BTNL8: variants seen among roughly 807,000 people sequenced by gnomAD.
The protein encoded by BTNL8 is butyrophilin-like protein 8.
A neutral mutation model predicts 36.1 loss-of-function variants in BTNL8; 22 were observed. The observed-to-expected ratio is 0.61, with a 90% CI of 0.44 to 0.87. The LOEUF (loss-of-function observed/expected upper bound fraction) is 0.87, where lower values mean the gene tolerates loss of function less well. BTNL8 is among the 40% of genes least tolerant of loss of function. The pLI is 0.00. For missense variants in BTNL8, 526 were observed against 616.9 expected, an observed-to-expected ratio of 0.85 and a Z score of 1.56; for synonymous variants, 203 against 235.6, an observed-to-expected ratio of 0.86 and a Z score of 1.27.
At chr5:180,907,958 A>C (rs1048742643) in intron 1 of BTNL8, among the ~76,000 whole-genome samples, 2 of 152,146 alleles carry the variant, frequency 1.3e-5, no homozygotes, top group Non-Finnish European at 2.9e-5. Flanking sequence ...TGCAGAGGTT[A>C]CTGCTGTCTT....
chr5:180,904,811 T>C (rs865867173), intron 1 of BTNL8, among the ~76,000 whole-genome samples: 2 of 152,006 alleles, frequency 1.3e-5, no homozygotes, highest in African/African-American at 4.8e-5. Context: ...TGGCTCCGTT[T>C]ATATGCTGGA....
chr5:180,939,616 C>G (rs1005075967), intron 3 of BTNL8, among the ~76,000 whole-genome samples: 1 of 152,144 alleles, frequency 6.6e-6, no homozygotes, highest in Admixed American at 6.5e-5. Flanking sequence ...AATGTAATGT[C>G]TAGCTGAACT....
At chr5:180,932,088 T>C (rs1758414902) in intron 3 of BTNL8, among the ~76,000 whole-genome samples, 1 of 152,000 alleles carries the variant, frequency 6.6e-6, no homozygotes, top group Admixed American at 6.5e-5. Context: ...GCTGGTTAAA[T>C]AAAATGTGAC....
At chr5:180,924,460 C>T (rs1758007803) in intron 3 of BTNL8, among the ~76,000 whole-genome samples, 1 of 152,184 alleles carries the variant, frequency 6.6e-6, no homozygotes, top group African/African-American at 2.4e-5. Flanking sequence ...GCAAGAAAGA[C>T]AACCTCTAAC....
chr5:180,937,031 T>C (rs1025173335), intron 3 of BTNL8, among the ~76,000 whole-genome samples: 1 of 152,158 alleles, frequency 6.6e-6, no homozygotes, highest in Admixed American at 6.6e-5. Flanking sequence ...CATGACTTCA[T>C]ATCCTTGATT....
intron 3 of BTNL8, among the ~76,000 whole-genome samples, chr5:180,915,358 G>C (rs1284362050): frequency 1.3e-5 from 2 of 152,242 alleles, no homozygotes; most frequent in African/African-American, 4.8e-5. Flanking sequence ...ATAGCAATCA[G>C]CTTGACTCTG....
rs144913345 is a variant in BTNL8 at position 180,928,741 on chromosome 5, A to T, written c.673+17127A>T. On this transcript the variant is annotated intron_variant, in intron 3 of 7. Coordinates refer to ENST00000340184, the MANE Select transcript of BTNL8 (RefSeq NM_001040462.3). Reference sequence around the variant, plus strand: ...AAGGGCATTACATAATGATAAAGTGATCAATGCAACAAGAAGAGCTAACTA... The same window carrying T: ...AAGGGCATTACATAATGATAAAGTGTTCAATGCAACAAGAAGAGCTAACTA... Among the ~76,000 whole-genome samples, 440 of 152,340 alleles carry T rather than the reference A, an allele frequency of 2.9e-3. 9 individuals are homozygous for T. The highest frequency in any genetic ancestry group is 0.012 in the East Asian group (62 of 5,188).
At chr5:180,945,840 G>A (rs1759208771) in intron 3 of BTNL8, 1 of 492,946 alleles carries the variant, frequency 2.0e-6, no homozygotes, top group African/African-American at 1.9e-5. Context: ...CGGAAATATG[G>A]CCTCAATATG....
In BTNL8 at chr5:180,908,781, A is replaced by AG; in HGVS notation, c.245_246insG (p.Gly83ArgfsTer35). On this transcript the variant is annotated frameshift_variant, in exon 2 of 8. Transcript: ENST00000340184. LOFTEE classifies it high-confidence loss of function. The stretch of plus-strand genomic sequence containing the variant: ...CCATTTATGCAGATGCCACAGTATC[A>AG]AGGCAGGACAAAACTGGTGAAGGAT... 2 of 1,614,226 alleles carry AG rather than the reference A, an allele frequency of 1.2e-6. No homozygotes were observed. Among genetic ancestry groups the AG allele is most frequent in the Non-Finnish European group, 1.7e-6 (2 of 1,180,038 alleles).
At chr5:180,937,845 A>C (rs1454260771) in intron 3 of BTNL8, among the ~76,000 whole-genome samples, 1 of 152,192 alleles carries the variant, frequency 6.6e-6, no homozygotes, top group Non-Finnish European at 1.5e-5. Flanking sequence ...AAGAACACTT[A>C]GTGAGACACA....
At chr5:180,900,826 T>C (rs1479882344) in intron 1 of BTNL8, among the ~76,000 whole-genome samples, 1 of 152,208 alleles carries the variant, frequency 6.6e-6, no homozygotes, top group South Asian at 2.1e-4. Flanking sequence ...GGAGGAACTT[T>C]ATAGATGGTG....
In BTNL8 at chr5:180,917,044, T is replaced by C. The variant is rs112545842; in HGVS notation, c.673+5430T>C. ...TAGACTACGGCACTATGAAAAATCATAGGTCAACAAACTGGATAACCTAGC... is the reference window on the plus strand; with the variant it reads ...TAGACTACGGCACTATGAAAAATCACAGGTCAACAAACTGGATAACCTAGC... On this transcript the variant is annotated intron_variant, in intron 3 of 7. Coordinates refer to ENST00000340184, the MANE Select transcript of BTNL8 (RefSeq NM_001040462.3). 3.7e-3 allele frequency among the ~76,000 whole-genome samples: 520 copies of C among 139,648 alleles called. 4 individuals carry two copies. The highest frequency in any genetic ancestry group is 6.4e-3 in the Non-Finnish European group (428 of 66,580). 91.6% of individuals were successfully genotyped at this position (139,648 alleles called of 152,430 possible). A position where few individuals can be genotyped will look rare whatever the true frequency, so the allele number is the denominator to read the frequency against.
intron 3 of BTNL8, among the ~76,000 whole-genome samples, chr5:180,931,901 G>T (rs574684882): frequency 1.3e-5 from 2 of 152,246 alleles, no homozygotes; most frequent in Admixed American, 1.3e-4. Flanking sequence ...ACAGTGTGGC[G>T]ATTCCTCAAG....
chr5:180,914,512 A>G (rs1177726498), intron 3 of BTNL8, among the ~76,000 whole-genome samples: 3 of 152,272 alleles, frequency 2.0e-5, no homozygotes, highest in Non-Finnish European at 2.9e-5. Context: ...ATTAAATTCA[A>G]TGAGAAAAAG....
chr5:180,913,081 G>A (rs749822778), intron 3 of BTNL8, among the ~76,000 whole-genome samples: 4 of 152,164 alleles, frequency 2.6e-5, no homozygotes, highest in Non-Finnish European at 5.9e-5. Flanking sequence ...ATCCAAACCT[G>A]TTCCTCAGGG....
intron 1 of BTNL8, among the ~76,000 whole-genome samples, chr5:180,907,416 A>G (rs1439678960): frequency 7.3e-6 from 1 of 137,450 alleles, no homozygotes; most frequent in Admixed American, 7.0e-5. Context: ...TTCTAGTTAT[A>G]CATTCTTCTA....
chr5:180,922,072 G>T (rs1757891423), intron 3 of BTNL8, among the ~76,000 whole-genome samples: 1 of 116,974 alleles, frequency 8.5e-6, no homozygotes, highest in African/African-American at 4.1e-5. Context: ...TGTTTATTTG[G>T]ATATTTTTTT....
chr5:180,950,833 G>A lies in BTNL8; in HGVS notation c.*289G>A. The A allele has an allele frequency of 2.4e-6, 1 of 415,174 alleles. No homozygotes were observed. Among genetic ancestry groups the A allele is most frequent in the Non-Finnish European group, 4.6e-6 (1 of 218,540 alleles). 25.7% of individuals were successfully genotyped at this position (415,174 alleles called of 1,614,324 possible). ...GGTGTAGATTAAGTAGACAAGGAAT[G>A]TGAATAATGCTTAGATCTTATTGAT... On this transcript the variant is annotated 3_prime_UTR_variant, in exon 8 of 8. Transcript: ENST00000340184.
chr5:180,920,713 A>G (rs1450303449), intron 3 of BTNL8, among the ~76,000 whole-genome samples: 1 of 152,088 alleles, frequency 6.6e-6, no homozygotes, highest in Non-Finnish European at 1.5e-5. Context: ...TTAATGTCCA[A>G]AATATGTAAG....
Sources: allele counts gnomAD v4.1 joint callset (sites outside exome capture counted in the v4.1 genomes callset), GRCh38; gene constraint gnomAD v4.1.1; transcripts MANE v1.5; gene names NCBI Gene and HGNC (gene_info 2026-07-23, HGNC 2026-07-21).